The following FAM178B variants were observed in gnomAD, a reference collection of about 807,000 sequenced individuals.
FAM178B encodes the protein family with sequence similarity 178 member B, also known as protein FAM178B.
A neutral mutation model predicts 91.7 loss-of-function variants in FAM178B; 82 were observed. The observed-to-expected ratio is 0.89, with a 90% CI of 0.75 to 1.07. The LOEUF is 1.07. FAM178B is among the 50% of genes least tolerant of loss of function. The probability of loss-of-function intolerance (pLI) is 0.00; values close to 1 mark genes in which losing one functional copy is unlikely to be tolerated. For synonymous variants in FAM178B, 368 were observed against 359.4 expected (o/e 1.02, Z -0.27); for missense variants, 769 against 846.7 (o/e 0.91, Z 1.14).
At chr2:96,928,857 A>G (rs2081491903) in intron 9 of FAM178B, among the ~76,000 whole-genome samples, 1 of 152,158 alleles carries the variant, frequency 6.6e-6, no homozygotes, top group African/African-American at 2.4e-5. Flanking sequence ...AACAAACAAG[A>G]GAACAGGTGG....
chr2:96,911,572 C>T (rs1458652043), intron 12 of FAM178B, among the ~76,000 whole-genome samples: 2 of 152,216 alleles, frequency 1.3e-5, no homozygotes, highest in African/African-American at 2.4e-5. Context: ...ATTTTATGCA[C>T]ATCAGCAATG....
chr2:96,898,770 C>T (rs1209457440), intron 13 of FAM178B, among the ~76,000 whole-genome samples: 3 of 152,314 alleles, frequency 2.0e-5, no homozygotes, highest in Middle Eastern at 3.4e-3. Flanking sequence ...GGGGCGAGCA[C>T]TGAGGACAGC....
intron 7 of FAM178B, among the ~76,000 whole-genome samples, chr2:96,951,117 C>T (rs926891333): frequency 1.3e-5 from 2 of 152,192 alleles, no homozygotes; most frequent in Admixed American, 1.3e-4. Context: ...GAGACACACA[C>T]CTTCGGGGGA....
At chr2:96,950,176 C>T (rs755388770) in intron 7 of FAM178B, 226 of 985,342 alleles carry the variant, frequency 2.3e-4, no homozygotes, top group Middle Eastern at 5.2e-4. Context: ...CTGTGGGTGC[C>T]GTCTCAGATG....
At chr2:96,976,435 T>G (rs1163997680) in intron 1 of FAM178B, among the ~76,000 whole-genome samples, 1 of 151,952 alleles carries the variant, frequency 6.6e-6, no homozygotes, top group Non-Finnish European at 1.5e-5. Context: ...TCATATAAAG[T>G]ATCTTCTGAC....
Position 96,875,952 on chromosome 2 carries a change from G to T in FAM178B, c.*324C>A. Reference sequence around the variant, plus strand: ...AGTGACAGGGAGACAGAGGAAGGAGGGTGGGGAGGACTGAGGCCCAGGGAA... The same window carrying T: ...AGTGACAGGGAGACAGAGGAAGGAGTGTGGGGAGGACTGAGGCCCAGGGAA... On this transcript the variant is annotated 3_prime_UTR_variant, in exon 17 of 17. Coordinates refer to ENST00000490605, the MANE Select transcript of FAM178B (RefSeq NM_001122646.3). 2.5e-6 allele frequency: 1 copy of T among 398,396 alleles called. No homozygotes were observed. 24.7% of individuals were successfully genotyped at this position (398,396 alleles called of 1,614,324 possible). A position where few individuals can be genotyped will look rare whatever the true frequency, so the allele number is the denominator to read the frequency against.
chr2:96,969,781 C>A (rs546341345), intron 4 of FAM178B, among the ~76,000 whole-genome samples: 2 of 152,320 alleles, frequency 1.3e-5, no homozygotes, highest in East Asian at 3.9e-4. Flanking sequence ...AGAGGGGCTG[C>A]ACAGCAGAGG....
chr2:96,885,556 T>G (rs910123247), intron 14 of FAM178B, among the ~76,000 whole-genome samples: 1 of 152,178 alleles, frequency 6.6e-6, no homozygotes, highest in Non-Finnish European at 1.5e-5. Flanking sequence ...AGCTCCAGAT[T>G]CCTGCAGACC....
At chr2:96,893,464 G>C (rs1274779623) in intron 14 of FAM178B, among the ~76,000 whole-genome samples, 1 of 152,114 alleles carries the variant, frequency 6.6e-6, no homozygotes, top group African/African-American at 2.4e-5. Flanking sequence ...CAAGGACTCA[G>C]ACTCAGTGAC....
Position 96,893,934 on chromosome 2 carries a change from C to G in FAM178B, c.1768G>C (p.Asp590His). ...GCTGGGTGCTCACTCACCTTGTGGTCTAGCTCGGCACTAGCCTTTGGCTGT... is the reference window on the plus strand; with the variant it reads ...GCTGGGTGCTCACTCACCTTGTGGTGTAGCTCGGCACTAGCCTTTGGCTGT... ...EQQPKASAEL[D>H]HKACYLCHSL... is the part of the protein sequence containing the mutation. Residue 590 changes from aspartate (D) to histidine (H), a missense_variant, in exon 14 of 17, where the codon GAC (aspartate) becomes CAC (histidine). Transcript: ENST00000490605. 1 of 1,612,292 alleles carries G rather than the reference C, an allele frequency of 6.2e-7. No homozygotes were observed. Among genetic ancestry groups the G allele is most frequent in the Non-Finnish European group, 8.5e-7 (1 of 1,179,374 alleles).
chr2:96,938,302 C>T (rs1431711557), intron 8 of FAM178B, among the ~76,000 whole-genome samples: 1 of 152,172 alleles, frequency 6.6e-6, no homozygotes, highest in Middle Eastern at 3.2e-3. Context: ...TCACCTGGGC[C>T]TCACGAGCTA....
At chr2:96,882,830 G>A (rs2080420067) in intron 14 of FAM178B, among the ~76,000 whole-genome samples, 1 of 152,248 alleles carries the variant, frequency 6.6e-6, no homozygotes, top group Non-Finnish European at 1.5e-5. Flanking sequence ...CCTGCCCCAT[G>A]GCACGTTAGT....
In FAM178B at chr2:96,986,409, G is replaced by A. The variant is rs925518212; in HGVS notation, c.-96C>T. 4.9e-6 allele frequency: 7 copies of A among 1,437,998 alleles called. No homozygotes were observed. The African/African-American group carries it at 5.7e-5, about 12-fold the overall frequency. 89.1% of individuals were successfully genotyped at this position (1,437,998 alleles called of 1,614,324 possible). ...CAGCTAGCCGGGAAAGGAAGCAGGA[G>A]CAGGCTCCCCAGGCGGCGCAGTGGG... On this transcript the variant is annotated 5_prime_UTR_variant, in exon 1 of 17. Transcript: ENST00000490605.
At chr2:96,901,740 A>AC (rs1246326697) in intron 13 of FAM178B, among the ~76,000 whole-genome samples, 1 of 152,162 alleles carries the variant, frequency 6.6e-6, no homozygotes, top group African/African-American at 2.4e-5. Flanking sequence ...TGGCTGCACA[A>AC]CACTGTGAAT....
intron 13 of FAM178B, among the ~76,000 whole-genome samples, chr2:96,899,589 G>A (rs1271671711): frequency 6.6e-6 from 1 of 151,956 alleles, no homozygotes; most frequent in Admixed American, 6.6e-5. Flanking sequence ...AAAAAAAGCG[G>A]GTCTTGCTCT....
chr2:96,893,848 T>C, intron 14 of FAM178B, 78 bp downstream of exon 14: 7 of 1,509,336 alleles, frequency 4.6e-6, no homozygotes, highest in Non-Finnish European at 6.2e-6. Context: ...CCATGCAATG[T>C]GGACAGCCCT....
intron 12 of FAM178B, among the ~76,000 whole-genome samples, chr2:96,917,779 C>A (rs1328991766): frequency 6.6e-6 from 1 of 152,046 alleles, no homozygotes; most frequent in Admixed American, 6.6e-5. Flanking sequence ...TTACTTGATC[C>A]CAAGAGGTCG....
intron 13 of FAM178B, among the ~76,000 whole-genome samples, chr2:96,896,891 G>A (rs2080835263): frequency 6.6e-6 from 1 of 152,118 alleles, no homozygotes; most frequent in Admixed American, 6.6e-5. Flanking sequence ...TATCTAAACA[G>A]AATCTTGCTC....
intron 13 of FAM178B, among the ~76,000 whole-genome samples, chr2:96,899,837 C>T (rs574216905): frequency 1.4e-4 from 21 of 149,874 alleles, no homozygotes; most frequent in African/African-American, 4.5e-4. Context: ...CCTCCCGCGC[C>T]CCCATTCCCC....
Sources: gnomAD v4.1 joint callset for allele counts (sites outside exome capture counted in the v4.1 genomes callset) on GRCh38, gnomAD v4.1.1 for gene constraint, MANE v1.5 for transcripts, NCBI Gene and HGNC (gene_info 2026-07-23, HGNC 2026-07-21) for gene names.